CAT: variants seen among roughly 807,000 people sequenced by gnomAD.
CAT encodes epididymis secretory sperm binding protein.
In CAT, 43 loss-of-function variants were observed where a neutral mutation model predicts 59.0. The observed-to-expected ratio is 0.73, with a 90% CI of 0.57 to 0.94. The LOEUF is 0.94. Among genes scored for constraint, CAT ranks in the 40% least tolerant of loss-of-function variants. The pLI is 0.00. For synonymous variants in CAT, 218 were observed against 230.9 expected, an observed-to-expected ratio of 0.94 and a Z score of 0.51; for missense variants, 664 against 682.9, an observed-to-expected ratio of 0.97 and a Z score of 0.31.
At chr11:34,453,016 G>A (rs773227227) in intron 4 of CAT, 74 bp from the exon 5 acceptor site, 4 of 832,694 alleles carry the variant, frequency 4.8e-6, no homozygotes, top group Non-Finnish European at 6.3e-6. Context: ...CTAGTAATAG[G>A]CATATATAAT....
intron 10 of CAT, among the ~76,000 whole-genome samples, chr11:34,466,780 C>CAAA (rs71457350): frequency 1.1e-3 from 44 of 41,078 alleles, no homozygotes; most frequent in Middle Eastern, 0.02. Flanking sequence ...GACTCCGTCT[C>CAAA]AAAAAAAAAA....
At chr11:34,469,086 C>T (rs1319609389) in intron 11 of CAT, among the ~76,000 whole-genome samples, 7 of 152,176 alleles carry the variant, frequency 4.6e-5, no homozygotes, top group South Asian at 2.1e-4. Flanking sequence ...TTCTGATGGC[C>T]GCTCATCGAG....
chr11:34,457,060 ATACT>A, intron 8 of CAT: 1 of 532,912 alleles, frequency 1.9e-6, no homozygotes, highest in East Asian at 3.3e-5. Context: ...GAAGACAAGA[ATACT>A]TACTCTCTTA....
chr11:34,460,263 A>G (rs992502253), intron 8 of CAT, among the ~76,000 whole-genome samples: 1 of 152,162 alleles, frequency 6.6e-6, no homozygotes, highest in African/African-American at 2.4e-5. Context: ...AAATTTCAAG[A>G]TGCTTGCCAT....
At chr11:34,454,241 T>C (rs1408034) in intron 6 of CAT, among the ~76,000 whole-genome samples, 15,775 of 152,276 alleles carry the variant, frequency 0.1, 925 homozygotes, top group East Asian at 0.3. Context: ...GGCATATAAG[T>C]AAAATCAATT....
chr11:34,439,165 C>A, intron 1 of CAT, 86 bp downstream of exon 1: 1 of 1,278,252 alleles, frequency 7.8e-7, no homozygotes, highest in Non-Finnish European at 1.1e-6. Flanking sequence ...TCCCCCGGGG[C>A]GGCGCTTGGA....
intron 1 of CAT, among the ~76,000 whole-genome samples, chr11:34,444,181 C>T (rs1471541709): frequency 6.6e-6 from 1 of 152,054 alleles, no homozygotes; most frequent in African/African-American, 2.4e-5. Flanking sequence ...ATGGTGGATC[C>T]CATACCATTA....
At position 34,468,358 on chromosome 11, in the gene CAT, A is replaced by C. The variant is rs370234500; in HGVS notation, c.1397A>C (p.His466Pro). 24 of 1,614,152 alleles carry C rather than the reference A, an allele frequency of 1.5e-5. No individual in the cohort carries two copies. The African/African-American group carries it at 3.2e-4, about 22-fold the overall frequency. The part of the protein sequence containing the change: ...RKRLCENIAG[H>P]LKDAQIFIQK... The stretch of plus-strand genomic sequence containing the variant: ...CGTCTGTGTGAGAACATTGCCGGCC[A>C]CCTGAAGGATGCACAAATTTTCATC... Residue 466 changes from histidine (H) to proline (P), a missense_variant, in exon 11 of 13, where the codon CAC becomes CCC. By Grantham distance (77) the His-to-Pro change is moderately conservative. Transcript: ENST00000241052.
Position 34,466,569 on chromosome 11 carries a change from A to T in CAT, c.1327-1719A>T, listed in dbSNP as rs571557839. 3.7e-4 allele frequency among the ~76,000 whole-genome samples: 57 copies of T among 152,148 alleles called. 1 individual carries two copies. The highest frequency in any genetic ancestry group is 1.3e-3 in the African/African-American group (55 of 41,516). Reference sequence around the variant, plus strand: ...GAGGTGGGCGGATCACGAGGTCAGGAGATCAAGACCATCCTGGCTAACACG... The same window carrying T: ...GAGGTGGGCGGATCACGAGGTCAGGTGATCAAGACCATCCTGGCTAACACG... On this transcript the variant is annotated intron_variant, in intron 10 of 12. Coordinates refer to ENST00000241052, the MANE Select transcript of CAT (RefSeq NM_001752.4).
At chr11:34,468,552 A>T (rs1856744076) in intron 11 of CAT, 157 bp downstream of exon 11, 2 of 660,224 alleles carry the variant, frequency 3.0e-6, no homozygotes, top group Admixed American at 4.9e-5. Context: ...CCAACTTCTG[A>T]TTATTTTCTT....
chr11:34,454,077 T>C (rs1856562033), intron 6 of CAT, 151 bp downstream of exon 6: 1 of 760,472 alleles, frequency 1.3e-6, no homozygotes, highest in South Asian at 1.8e-5. Flanking sequence ...TGATCAGTAC[T>C]GATTTTGTTG....
chr11:34,446,575 C>T (rs1856457544), intron 1 of CAT, among the ~76,000 whole-genome samples: 1 of 152,168 alleles, frequency 6.6e-6, no homozygotes, highest in Admixed American at 6.5e-5. Context: ...TCACCCTGAC[C>T]CGGTAACCAG....
At chr11:34,456,284 T>C (rs904887615) in intron 7 of CAT, 82 bp downstream of exon 7, 71 of 1,071,422 alleles carry the variant, frequency 6.6e-5, no homozygotes, top group Non-Finnish European at 9.1e-5. Context: ...CAAACAATTA[T>C]AATAATGGGG....
intron 8 of CAT, chr11:34,460,839 T>C (rs542066030): frequency 3.7e-6 from 1 of 271,168 alleles, no homozygotes; most frequent in Non-Finnish European, 7.2e-6. Context: ...GATTGGTTCC[T>C]TCCCTGGAGT....
intron 12 of CAT, 31 bp downstream of exon 12, chr11:34,471,072 G>A: frequency 6.3e-7 from 1 of 1,577,626 alleles, no homozygotes; most frequent in Non-Finnish European, 8.7e-7. Flanking sequence ...CCATGCAGAG[G>A]CTGTGTGTGC....
rs752119282 is a variant in CAT at position 34,439,073 on chromosome 11, C to T, written c.60C>T (p.Ala20=). The T allele has an allele frequency of 1.9e-6, 3 of 1,589,306 alleles. No homozygotes were observed. Among genetic ancestry groups the T allele is most frequent in the Non-Finnish European group, 2.6e-6 (3 of 1,167,912 alleles). Residue 20 remains alanine, a synonymous_variant, in exon 1 of 13, where the codon GCC becomes GCT. Coordinates refer to ENST00000241052, the MANE Select transcript of CAT (RefSeq NM_001752.4). ...TGCAGCACTGGAAGGAGCAGCGGGC[C>T]GCGCAGGTACACTCTGTGCTCCCCG... is the stretch of plus-strand genomic sequence containing the variant. The part of the protein sequence containing the change: ...DQMQHWKEQR[A]AQKADVLTTG...
chr11:34,460,641 A>C (rs1856639680), intron 8 of CAT: 1 of 156,606 alleles, frequency 6.4e-6, no homozygotes, highest in Non-Finnish European at 1.4e-5. Flanking sequence ...TTTTGTAGAG[A>C]CAGGTCTCGC....
chr11:34,440,743 A>G (rs1292524993), intron 1 of CAT, among the ~76,000 whole-genome samples: 1 of 151,902 alleles, frequency 6.6e-6, no homozygotes, highest in Non-Finnish European at 1.5e-5. Flanking sequence ...TTGTATTTTT[A>G]GTAGAGATGG....
intron 1 of CAT, among the ~76,000 whole-genome samples, chr11:34,440,271 C>T (rs1856373094): frequency 6.6e-6 from 1 of 152,188 alleles, no homozygotes; most frequent in South Asian, 2.1e-4. Flanking sequence ...CTCCAAGGGC[C>T]TGGAAAATCT....
Sources: gnomAD v4.1 joint callset for allele counts (sites outside exome capture counted in the v4.1 genomes callset) on GRCh38, gnomAD v4.1.1 for gene constraint, MANE v1.5 for transcripts, NCBI Gene and HGNC (gene_info 2026-07-23, HGNC 2026-07-21) for gene names.